AKAP13: variants seen among roughly 807,000 people sequenced by gnomAD.
The protein encoded by AKAP13 is A-kinase anchoring protein 13.
A neutral mutation model predicts 264.5 loss-of-function variants in AKAP13; 80 were observed. The observed-to-expected ratio is 0.30, with a 90% CI of 0.25 to 0.36. The LOEUF (loss-of-function observed/expected upper bound fraction) is 0.36. AKAP13 is among the 10% of genes least tolerant of loss of function. The pLI, the probability that AKAP13 is intolerant of heterozygous loss-of-function variation, is 1.00. For missense variants in AKAP13, 3,712 were observed against 3,435.2 expected (o/e 1.08, Z -2.01); for synonymous variants, 1,380 against 1,250.2 (o/e 1.10, Z -2.19).
intron 1 of AKAP13, among the ~76,000 whole-genome samples, chr15:85,392,328 C>T (rs566954870): frequency 3.1e-4 from 44 of 142,714 alleles, no homozygotes; most frequent in African/African-American, 1.1e-3. Context: ...TATCTCGGCT[C>T]ACTGCAACCT....
chr15:85,396,124 A>G (rs574837238), intron 1 of AKAP13, among the ~76,000 whole-genome samples: 1 of 152,044 alleles, frequency 6.6e-6, no homozygotes, highest in African/African-American at 2.4e-5. Context: ...ACAGATGTTT[A>G]TTTTTTCTTT....
intron 1 of AKAP13, among the ~76,000 whole-genome samples, chr15:85,447,603 A>G (rs2073946425): frequency 6.6e-6 from 1 of 152,060 alleles, no homozygotes; most frequent in Admixed American, 6.5e-5. Flanking sequence ...TTCCACTTAC[A>G]AGTGAGAACA....
chr15:85,383,130 C>T (rs1019787163), intron 1 of AKAP13, among the ~76,000 whole-genome samples: 2 of 152,004 alleles, frequency 1.3e-5, no homozygotes, highest in Admixed American at 6.6e-5. Context: ...TGGACCCAAG[C>T]CATCCTCCCA....
At chr15:85,457,191 A>C (rs1219972243) in intron 1 of AKAP13, among the ~76,000 whole-genome samples, 2 of 152,242 alleles carry the variant, frequency 1.3e-5, no homozygotes, top group Non-Finnish European at 2.9e-5. Flanking sequence ...CTAAAATAGT[A>C]AGAGGCATGT....
intron 9 of AKAP13, among the ~76,000 whole-genome samples, chr15:85,640,477 G>A (rs2082259709): frequency 6.6e-6 from 1 of 152,148 alleles, no homozygotes; most frequent in African/African-American, 2.4e-5. Flanking sequence ...CCTACTGATT[G>A]TCAACTCTCT....
At chr15:85,707,263 C>T (rs2086343117) in intron 17 of AKAP13, among the ~76,000 whole-genome samples, 1 of 152,214 alleles carries the variant, frequency 6.6e-6, no homozygotes, top group Admixed American at 6.5e-5. Context: ...GACACAGAGG[C>T]TTGGGTTTTT....
intron 8 of AKAP13, among the ~76,000 whole-genome samples, chr15:85,616,698 T>C: frequency 6.6e-6 from 1 of 152,234 alleles, no homozygotes; most frequent in East Asian, 1.9e-4. Context: ...TATGAAATGA[T>C]TGGTTGCTGT....
intron 35 of AKAP13, among the ~76,000 whole-genome samples, chr15:85,742,923 A>C (rs748485090): frequency 6.6e-6 from 1 of 151,792 alleles, no homozygotes; most frequent in African/African-American, 2.4e-5. Flanking sequence ...TTTTTATGAC[A>C]TAAGGAGGGA....
intron 2 of AKAP13, among the ~76,000 whole-genome samples, chr15:85,516,620 C>G (rs1278375207): frequency 1.3e-5 from 2 of 152,160 alleles, no homozygotes; most frequent in Admixed American, 1.3e-4. Context: ...CTGCCACGGC[C>G]TTCCTTGGTC....
At chr15:85,522,143 A>G (rs780887949) in intron 3 of AKAP13, among the ~76,000 whole-genome samples, 4 of 152,126 alleles carry the variant, frequency 2.6e-5, no homozygotes, top group Non-Finnish European at 5.9e-5. Flanking sequence ...CTGAACATTT[A>G]TTATGTGTTG....
chr15:85,384,191 A>T (rs1047327518), intron 1 of AKAP13, among the ~76,000 whole-genome samples: 7 of 152,378 alleles, frequency 4.6e-5, no homozygotes, highest in African/African-American at 1.7e-4. Context: ...TAAAAATTAC[A>T]GTTGGTCACA....
chr15:85,571,082 A>T (rs113376804), intron 5 of AKAP13, among the ~76,000 whole-genome samples: 2,396 of 152,202 alleles, frequency 0.016, 29 homozygotes, highest in Non-Finnish European at 0.022. Flanking sequence ...CATTAGAGGA[A>T]ATTATATAAA....
chr15:85,628,120 A>C (rs550972164), intron 8 of AKAP13, among the ~76,000 whole-genome samples: 1 of 152,308 alleles, frequency 6.6e-6, no homozygotes, highest in South Asian at 2.1e-4. Context: ...TGTCTCACTG[A>C]ATCTGATAAT....
intron 1 of AKAP13, among the ~76,000 whole-genome samples, chr15:85,467,805 C>T (rs746467072): frequency 1.8e-4 from 27 of 152,168 alleles, no homozygotes; most frequent in African/African-American, 4.6e-4. Flanking sequence ...GTTGATATTT[C>T]GGCCTGCAAT....
At chr15:85,648,120 A>G (rs1284784331) in intron 10 of AKAP13, among the ~76,000 whole-genome samples, 3 of 152,234 alleles carry the variant, frequency 2.0e-5, no homozygotes, top group East Asian at 3.8e-4. Context: ...GGGGAATACC[A>G]TTCTGAAGAT....
At chr15:85,390,227 C>T (rs191614986) in intron 1 of AKAP13, among the ~76,000 whole-genome samples, 18 of 152,202 alleles carry the variant, frequency 1.2e-4, no homozygotes, top group Non-Finnish European at 2.4e-4. Context: ...AGAAAATAAA[C>T]GAGTGAACAA....
chr15:85,712,981 C>T (rs1241844987), intron 19 of AKAP13, among the ~76,000 whole-genome samples: 2 of 152,188 alleles, frequency 1.3e-5, no homozygotes, highest in African/African-American at 2.4e-5. Flanking sequence ...ATTACCAAAC[C>T]TCTCTGTGCC....
rs1266876949 is a variant in AKAP13 at position 85,741,031 on chromosome 15, C to A, written c.7609-15C>A. The stretch of plus-strand genomic sequence containing the variant: ...CTGGCCAGAGTTGCAGGGCTCCCCT[C>A]TGTGTGCCTCCCAGGGTGTGGTGCT... On this transcript the variant is annotated splice_polypyrimidine_tract_variant and intron_variant, in intron 34 of 36. Transcript: ENST00000394518. 1.3e-5 allele frequency: 20 copies of A among 1,592,498 alleles called. No individual in the cohort carries two copies. The highest frequency in any genetic ancestry group is 1.7e-5 in the Non-Finnish European group (20 of 1,167,970).
In AKAP13 at chr15:85,719,303, A is replaced by T; in HGVS notation, c.6229A>T (p.Ile2077Leu). 2 of 1,614,160 alleles carry T rather than the reference A, an allele frequency of 1.2e-6. No individual in the cohort carries two copies. Among genetic ancestry groups the T allele is most frequent in the South Asian group, 1.1e-5 (1 of 91,070 alleles). Residue 2077 changes from isoleucine (I) to leucine (L), a missense_variant, in exon 23 of 37, where the codon ATA becomes TTA. Ile to Leu is a conservative substitution (Grantham distance 5). Transcript: ENST00000394518. ...KSEKNFLIKR[I>L]GDVLVNQFSG... The stretch of plus-strand genomic sequence containing the variant: ...TGAAAAGAACTTTCTCATCAAGAGG[A>T]TAGGGGATGTGCTTGTAAATCAGGT...
Sources: allele counts gnomAD v4.1 joint callset (sites outside exome capture counted in the v4.1 genomes callset), GRCh38; gene constraint gnomAD v4.1.1; transcripts MANE v1.5; gene names NCBI Gene and HGNC (gene_info 2026-07-23, HGNC 2026-07-21).